The following INSC variants were observed in gnomAD, a reference collection of about 807,000 sequenced individuals.
INSC encodes protein inscuteable homolog.
INSC carries 67 observed loss-of-function variants against 58.6 expected under a neutral mutation model. That is an observed-to-expected ratio of 1.14 (90% confidence interval 0.94 to 1.40). The LOEUF (loss-of-function observed/expected upper bound fraction) is 1.40. Ranked by LOEUF, INSC falls within the 40% of genes most tolerant of loss-of-function variation. The pLI is 0.00. For synonymous variants in INSC, 262 were observed against 276.1 expected (o/e 0.95, Z 0.51); for missense variants, 714 against 692.0 (o/e 1.03, Z -0.36).
At chr11:15,133,446 C>T (rs1292731297) in intron 1 of INSC, among the ~76,000 whole-genome samples, 2 of 152,196 alleles carry the variant, frequency 1.3e-5, no homozygotes, top group Non-Finnish European at 2.9e-5. Context: ...GTCCCCTGTC[C>T]CCACAACAGA....
chr11:15,226,881 AT>A (rs1589993947), intron 9 of INSC, among the ~76,000 whole-genome samples: 1 of 152,086 alleles, frequency 6.6e-6, no homozygotes, highest in Non-Finnish European at 1.5e-5. Context: ...GTTCCCTAGG[AT>A]TTTTTAAGGC....
At chr11:15,190,621 G>A in intron 5 of INSC, 80 bp from the exon 6 acceptor site, 1 of 933,506 alleles carries the variant, frequency 1.1e-6, no homozygotes, top group Non-Finnish European at 1.8e-6. Context: ...TAGGAGCATG[G>A]GCCCACTGGT....
the INSC span, among the ~76,000 whole-genome samples, chr11:15,259,282 CAAGA>C: frequency 6.6e-6 from 1 of 151,958 alleles, no homozygotes; most frequent in African/African-American, 2.4e-5. Flanking sequence ...TTAATAAAAA[CAAGA>C]AAGCAAATTG....
chr11:15,112,308 G>C, upstream of INSC: 2 of 504,952 alleles, frequency 4.0e-6, no homozygotes, highest in Non-Finnish European at 7.0e-6. Context: ...TCAACTCTGA[G>C]CTCCCTTGGG....
chr11:15,262,655 A>AACACACAC, the INSC span, among the ~76,000 whole-genome samples: 7,542 of 146,690 alleles, frequency 0.051, 231 homozygotes, highest in East Asian at 0.095. Flanking sequence ...CTGGGTGATA[A>AACACACAC]ACACACACAC....
At chr11:15,159,793 T>C (rs1848951605) in intron 2 of INSC, among the ~76,000 whole-genome samples, 1 of 152,184 alleles carries the variant, frequency 6.6e-6, no homozygotes, top group African/African-American at 2.4e-5. Flanking sequence ...AGGGTCATTG[T>C]GAGAATCAAC....
chr11:15,246,270 C>A lies in INSC; in HGVS notation c.*230C>A. On this transcript the variant is annotated 3_prime_UTR_variant, in exon 13 of 13. Transcript: ENST00000379556. ...TTTGATTTCTGTAGCTTTTCAGTTG[C>A]AGATGTTGAAATTCGTAATGACAAA... The A allele has an allele frequency of 2.7e-6, 1 of 371,246 alleles. No individual in the cohort carries two copies. The highest frequency in any genetic ancestry group is 4.9e-6 in the Non-Finnish European group (1 of 205,584). The allele number at this position is 371,246 out of a possible 1,614,324, so 23.0% of individuals were successfully genotyped here. A position where few individuals can be genotyped will look rare whatever the true frequency, so the allele number is the denominator to read the frequency against.
At chr11:15,259,664 A>G in the INSC span, among the ~76,000 whole-genome samples, 1 of 152,188 alleles carries the variant, frequency 6.6e-6, no homozygotes, top group Non-Finnish European at 1.5e-5. Flanking sequence ...TGCATCTTTG[A>G]ATTTCATTCC....
At chr11:15,197,739 G>A (rs988258742) in intron 6 of INSC, among the ~76,000 whole-genome samples, 4 of 152,130 alleles carry the variant, frequency 2.6e-5, no homozygotes, top group Non-Finnish European at 4.4e-5. Flanking sequence ...CCTGTGCAAG[G>A]CACAGAAAAG....
chr11:15,148,440 C>T (rs936398083), intron 1 of INSC, among the ~76,000 whole-genome samples: 5 of 152,118 alleles, frequency 3.3e-5, no homozygotes, highest in Non-Finnish European at 7.4e-5. Flanking sequence ...CTCCCTTGTT[C>T]GGGTCCAACA....
intron 6 of INSC, among the ~76,000 whole-genome samples, chr11:15,197,631 T>G (rs1404470630): frequency 6.6e-6 from 1 of 152,200 alleles, no homozygotes; most frequent in African/African-American, 2.4e-5. Flanking sequence ...GTGGGCAACC[T>G]GTCTGAGGCT....
chr11:15,145,132 C>T (rs1363934360), intron 1 of INSC, among the ~76,000 whole-genome samples: 1 of 152,218 alleles, frequency 6.6e-6, no homozygotes, highest in Non-Finnish European at 1.5e-5. Flanking sequence ...TTCCTTCCAA[C>T]AGGAAGGGTA....
At chr11:15,132,834 A>G (rs1301215330) in intron 1 of INSC, among the ~76,000 whole-genome samples, 2 of 152,178 alleles carry the variant, frequency 1.3e-5, no homozygotes, top group East Asian at 1.9e-4. Context: ...CTGGCATAAT[A>G]TATTTTCCTG....
intron 7 of INSC, among the ~76,000 whole-genome samples, chr11:15,202,369 C>G (rs1309069596): frequency 6.6e-6 from 1 of 152,182 alleles, no homozygotes; most frequent in Non-Finnish European, 1.5e-5. Flanking sequence ...AAATCCAAGT[C>G]TTCTAAGGCT....
intron 5 of INSC, among the ~76,000 whole-genome samples, chr11:15,187,252 A>G (rs1590418649): frequency 6.6e-6 from 1 of 152,308 alleles, no homozygotes; most frequent in Admixed American, 6.5e-5. Flanking sequence ...ATCTTAGGAC[A>G]TTACTTCTGC....
chr11:15,116,845 CTT>C (rs1282249724), intron 1 of INSC, among the ~76,000 whole-genome samples: 21 of 42,794 alleles, frequency 4.9e-4, no homozygotes, highest in African/African-American at 2.0e-3. Flanking sequence ...TTCTTTCTTT[CTT>C]TCTCTCTCTC....
intron 1 of INSC, among the ~76,000 whole-genome samples, chr11:15,131,384 C>T (rs1431446108): frequency 1.3e-5 from 2 of 151,642 alleles, no homozygotes; most frequent in Non-Finnish European, 2.9e-5. Flanking sequence ...TTGAGGCTTG[C>T]TTTAAGGACT....
chr11:15,235,719 G>A (rs543495742), intron 10 of INSC, 51 bp downstream of exon 10: 2 of 1,475,976 alleles, frequency 1.4e-6, no homozygotes, highest in African/African-American at 1.4e-5. Context: ...GGATGTAGGG[G>A]ACTGTGTCTT....
chr11:15,244,891 T>A (rs1417314512), intron 12 of INSC, among the ~76,000 whole-genome samples: 1 of 152,192 alleles, frequency 6.6e-6, no homozygotes, highest in African/African-American at 2.4e-5. Flanking sequence ...GCACTTAGCA[T>A]GCATTGTCTC....
Sources: gnomAD v4.1 joint callset for allele counts (sites outside exome capture counted in the v4.1 genomes callset) on GRCh38, gnomAD v4.1.1 for gene constraint, MANE v1.5 for transcripts, NCBI Gene and HGNC (gene_info 2026-07-23, HGNC 2026-07-21) for gene names.